CDC5L: variants seen among roughly 807,000 people sequenced by gnomAD.
The protein encoded by CDC5L is cell division cycle 5 like.
In CDC5L, 18 loss-of-function variants were observed where a neutral mutation model predicts 104.1. The ratio of observed to expected loss-of-function variants is 0.17; its 90% CI spans 0.12 to 0.26. CDC5L has a LOEUF of 0.26. CDC5L is among the 10% of genes least tolerant of loss of function. CDC5L has a pLI of 1.00. For synonymous variants in CDC5L, 331 were observed against 322.7 expected, an observed-to-expected ratio of 1.03 and a Z score of -0.28; for missense variants, 673 against 956.9, an observed-to-expected ratio of 0.70 and a Z score of 3.91.
At chr6:44,417,774 G>C (rs1325334652) in intron 8 of CDC5L, among the ~76,000 whole-genome samples, 1 of 152,164 alleles carries the variant, frequency 6.6e-6, no homozygotes, top group Non-Finnish European at 1.5e-5. Context: ...TGGAAAGGTT[G>C]CTTGGGAGTA....
intron 1 of CDC5L, 95 bp downstream of exon 1, chr6:44,387,963 GT>G: frequency 8.6e-7 from 1 of 1,161,676 alleles, no homozygotes; most frequent in Non-Finnish European, 1.2e-6. Flanking sequence ...AGGAGACCCT[GT>G]GGGGTCTGCG....
At chr6:44,393,615 A>G in intron 4 of CDC5L, 42 bp downstream of exon 4, 1 of 1,588,936 alleles carries the variant, frequency 6.3e-7, no homozygotes, top group Non-Finnish European at 8.6e-7. Flanking sequence ...TGGTAACTGT[A>G]AACTCCTTGG....
chr6:44,450,321 T>C lies in CDC5L; in HGVS notation c.*3610T>C, dbSNP rs2153385343. The C allele has an allele frequency of 6.6e-6, 1 of 152,368 alleles. No individual in the cohort carries two copies. Among genetic ancestry groups the C allele is most frequent in the Admixed American group, 6.5e-5 (1 of 15,304 alleles). The allele number at this position is 152,368 out of a possible 1,614,324, so 9.4% of individuals were successfully genotyped here. On this transcript the variant is annotated 3_prime_UTR_variant, in exon 16 of 16. Transcript: ENST00000371477. ...TACAGAACTTTTGAGTTCACAGTGC[T>C]TTCTGGAAATAATTTCTTTATAACT... is the stretch of plus-strand genomic sequence containing the variant.
chr6:44,387,939 T>TTGG, intron 1 of CDC5L, 71 bp downstream of exon 1: 1 of 1,457,770 alleles, frequency 6.9e-7, no homozygotes, highest in Non-Finnish European at 9.3e-7. Context: ...CGCGCGGAGG[T>TTGG]CGGGGGGGCG....
Position 44,406,463 on chromosome 6 carries a change from C to T in CDC5L, c.899C>T (p.Pro300Leu), listed in dbSNP as rs1231972458. 2 of 1,601,898 alleles carry T rather than the reference C, an allele frequency of 1.2e-6. No individual in the cohort carries two copies. The highest frequency in any genetic ancestry group is 1.7e-6 in the Non-Finnish European group (2 of 1,177,216). The change falls in exon 7 of 16, where the codon CCT (proline) becomes CTT (leucine). Residue 300 changes from proline (P) to leucine (L), a missense_variant. Physicochemically the swap from Pro to Leu is moderately conservative, Grantham distance 98 (BLOSUM62 -3). Transcript: ENST00000371477. ...AGAAGCAAACTAGTACTTCCTGCCC[C>T]TCAGGTAATCTGATAAAAGCAAATT... is the stretch of plus-strand genomic sequence containing the variant. ...KKRSKLVLPA[P>L]QISDAELQEV...
chr6:44,429,823 T>C lies in CDC5L; in HGVS notation c.2004T>C (p.Val668=), dbSNP rs1286146111. ...TGTGGGAAGAATGCTACAGTCAAGT[T>C]TTATATCTTCCTGGGCAGAGCCGCT... ...NQVWEECYSQ[V]LYLPGQSRYT... is the part of the protein sequence containing the mutation. The change falls in exon 14 of 16, where the codon GTT becomes GTC. Residue 668 remains valine, a synonymous_variant. Coordinates refer to ENST00000371477, the MANE Select transcript of CDC5L (RefSeq NM_001253.4). The C allele has an allele frequency of 6.2e-7, 1 of 1,614,104 alleles. No homozygotes were observed. Among genetic ancestry groups the C allele is most frequent in the Non-Finnish European group, 8.5e-7 (1 of 1,179,984 alleles).
At chr6:44,424,118 T>A (rs1403197759) in intron 10 of CDC5L, among the ~76,000 whole-genome samples, 1 of 152,214 alleles carries the variant, frequency 6.6e-6, no homozygotes, top group Non-Finnish European at 1.5e-5. Flanking sequence ...AGACTTTTTT[T>A]CTCTTTCTGT....
Position 44,390,260 on chromosome 6 carries a change from T to A in CDC5L, c.46-8T>A. ...TGACTGAATGTACTCTTTGGCAATT[T>A]TTTTTAGGATGAAATTCTGAAAGCA... On this transcript the variant is annotated splice_polypyrimidine_tract_variant and splice_region_variant and intron_variant, in intron 1 of 15. Coordinates refer to ENST00000371477, the MANE Select transcript of CDC5L (RefSeq NM_001253.4). The A allele has an allele frequency of 1.2e-6, 2 of 1,604,088 alleles. No homozygotes were observed. The highest frequency in any genetic ancestry group is 1.7e-6 in the Non-Finnish European group (2 of 1,171,512).
At chr6:44,431,291 G>A (rs921897825) in intron 14 of CDC5L, among the ~76,000 whole-genome samples, 5 of 152,100 alleles carry the variant, frequency 3.3e-5, no homozygotes, top group Admixed American at 3.3e-4. Context: ...CTAATTATTT[G>A]TATTACCAAC....
Position 44,387,962 on chromosome 6 carries a change from T to C in CDC5L, c.45+94T>C, listed in dbSNP as rs2297331. 970,992 of 1,220,142 alleles carry C rather than the reference T, an allele frequency of 0.8. 398,517 individuals are homozygous for C. Among genetic ancestry groups the C allele is most frequent in the Non-Finnish European group, 0.86 (738,732 of 854,686 alleles). 75.6% of individuals were successfully genotyped at this position (1,220,142 alleles called of 1,614,324 possible). A position where few individuals can be genotyped will look rare whatever the true frequency, so the allele number is the denominator to read the frequency against. On this transcript the variant is annotated intron_variant, in intron 1 of 15. Coordinates refer to ENST00000371477, the MANE Select transcript of CDC5L (RefSeq NM_001253.4). ...GGTCGGGGGGGCGACGAGGAGACCC[T>C]GTGGGGTCTGCGTGGAGGGCAGCCC... is the stretch of plus-strand genomic sequence containing the variant.
At chr6:44,427,526 C>G (rs981663628) in intron 13 of CDC5L, among the ~76,000 whole-genome samples, 3 of 152,182 alleles carry the variant, frequency 2.0e-5, no homozygotes, top group African/African-American at 7.2e-5. Context: ...CTTCCTCTTT[C>G]TTCGCTTTTC....
chr6:44,430,697 C>G (rs1415708806), intron 14 of CDC5L, among the ~76,000 whole-genome samples: 1 of 151,758 alleles, frequency 6.6e-6, no homozygotes, highest in Admixed American at 6.6e-5. Context: ...CTCAGCCTCC[C>G]TAGTAGCTGG....
chr6:44,441,842 GT>G (rs1158805414), intron 14 of CDC5L, among the ~76,000 whole-genome samples: 1 of 148,052 alleles, frequency 6.8e-6, no homozygotes, highest in Non-Finnish European at 1.5e-5. Flanking sequence ...GAATTTTTTT[GT>G]TTGTTTGTAT....
chr6:44,396,214 C>G (rs1790864023), intron 4 of CDC5L, 127 bp from the exon 5 acceptor site: 1 of 538,646 alleles, frequency 1.9e-6, no homozygotes, highest in African/African-American at 2.0e-5. Flanking sequence ...CATTATGCTA[C>G]ACCATAAAAT....
At position 44,387,759 on chromosome 6, in the gene CDC5L, C is replaced by A; in HGVS notation, c.-65C>A. On this transcript the variant is annotated 5_prime_UTR_variant, in exon 1 of 16. Transcript: ENST00000371477. ...AAGTGGCGGCTTTGAGTCCGGTGGC[C>A]CAATCGCTGTTACTACTTCTCTGAA... 7.1e-7 allele frequency: 1 copy of A among 1,414,402 alleles called. No individual in the cohort carries two copies. The highest frequency in any genetic ancestry group is 9.8e-7 in the Non-Finnish European group (1 of 1,024,536). The allele number at this position is 1,414,402 out of a possible 1,614,324, so 87.6% of individuals were successfully genotyped here. A position where few individuals can be genotyped will look rare whatever the true frequency, so the allele number is the denominator to read the frequency against.
At chr6:44,411,130 T>C (rs1224179612) in intron 8 of CDC5L, among the ~76,000 whole-genome samples, 1 of 152,132 alleles carries the variant, frequency 6.6e-6, no homozygotes, top group Non-Finnish European at 1.5e-5. Context: ...TTGTTTCCTT[T>C]CTGTCTTTCC....
intron 4 of CDC5L, among the ~76,000 whole-genome samples, chr6:44,394,472 T>TGC (rs998860335): frequency 6.6e-6 from 1 of 152,160 alleles, no homozygotes; most frequent in Admixed American, 6.6e-5. Context: ...GATGGAGACT[T>TGC]AACAGTGATT....
At chr6:44,393,661 C>T (rs1790724224) in intron 4 of CDC5L, 88 bp downstream of exon 4, 1 of 1,304,816 alleles carries the variant, frequency 7.7e-7, no homozygotes, top group Non-Finnish European at 1.0e-6. Flanking sequence ...AACTCCTCTA[C>T]TTTAGAATCC....
intron 14 of CDC5L, among the ~76,000 whole-genome samples, chr6:44,439,532 A>G (rs79738139): frequency 0.014 from 2,194 of 152,306 alleles, 59 homozygotes; most frequent in African/African-American, 0.05. Flanking sequence ...CACAAGGGGC[A>G]AACTCCTCAC....
Sources: allele counts gnomAD v4.1 joint callset (sites outside exome capture counted in the v4.1 genomes callset), GRCh38; gene constraint gnomAD v4.1.1; transcripts MANE v1.5; gene names NCBI Gene and HGNC (gene_info 2026-07-23, HGNC 2026-07-21).